Variants in ADCY1 observed in about 807,000 individuals in gnomAD.
ADCY1 encodes the protein adenylate cyclase type 1.
ADCY1 carries 28 observed loss-of-function variants against 105.4 expected under a neutral mutation model. That is an observed-to-expected ratio of 0.27 (90% CI 0.20 to 0.36). The LOEUF (loss-of-function observed/expected upper bound fraction) is 0.36. ADCY1 is among the 10% of genes least tolerant of loss of function. ADCY1 has a pLI of 1.00. For missense variants in ADCY1, 977 were observed against 1,434.2 expected, an observed-to-expected ratio of 0.68 and a Z score of 5.15; for synonymous variants, 655 against 623.8, an observed-to-expected ratio of 1.05 and a Z score of -0.75.
At chr7:45,673,738 A>G (rs1410580990) in intron 8 of ADCY1, among the ~76,000 whole-genome samples, 1 of 150,114 alleles carries the variant, frequency 6.7e-6, no homozygotes, top group Middle Eastern at 3.2e-3. Flanking sequence ...GATTTTCTCT[A>G]TTTTTTTTGT....
chr7:45,655,231 G>T (rs926200266), intron 5 of ADCY1, among the ~76,000 whole-genome samples: 1 of 152,152 alleles, frequency 6.6e-6, no homozygotes, highest in Non-Finnish European at 1.5e-5. Flanking sequence ...ATTTACTCAC[G>T]CCAAGGGGCC....
At chr7:45,664,920 T>C (rs1408780351) in intron 8 of ADCY1, among the ~76,000 whole-genome samples, 1 of 152,158 alleles carries the variant, frequency 6.6e-6, no homozygotes, top group Non-Finnish European at 1.5e-5. Context: ...CCTAATGCTC[T>C]CTCTTCCCTT....
In ADCY1 at chr7:45,621,875, A is replaced by G. The variant is rs190173959; in HGVS notation, c.909-757A>G. Among the ~76,000 whole-genome samples the G allele has an allele frequency of 6.2e-3, 949 of 152,352 alleles. 10 individuals carry two copies. Among genetic ancestry groups the G allele is most frequent in the African/African-American group, 0.022 (901 of 41,584 alleles). On this transcript the variant is annotated intron_variant, in intron 3 of 19. Transcript: ENST00000297323. ...TCTTAAAGCTACAACATTTTTACAG[A>G]CAAAAATATATAATTAATTTTTTTC...
intron 6 of ADCY1, 135 bp from the exon 7 acceptor site, chr7:45,659,907 G>A: frequency 9.0e-7 from 1 of 1,108,578 alleles, no homozygotes; most frequent in Non-Finnish European, 1.3e-6. Flanking sequence ...TTGCATGGGA[G>A]CATGAATACT....
chr7:45,660,855 G>A (rs184154223), intron 7 of ADCY1, among the ~76,000 whole-genome samples: 71 of 150,826 alleles, frequency 4.7e-4, no homozygotes, highest in African/African-American at 1.5e-3. Context: ...AGGGTTCAGG[G>A]CTCAGGTGAG....
chr7:45,646,458 G>A (rs757924413), intron 4 of ADCY1, among the ~76,000 whole-genome samples: 2 of 152,220 alleles, frequency 1.3e-5, no homozygotes, highest in Non-Finnish European at 2.9e-5. Context: ...CTTTCTGTGA[G>A]CACTGACTGT....
chr7:45,631,999 T>TG (rs1197571710), intron 4 of ADCY1, among the ~76,000 whole-genome samples: 1 of 152,228 alleles, frequency 6.6e-6, no homozygotes, highest in Admixed American at 6.5e-5. Flanking sequence ...TTTCGAGGTA[T>TG]GGGTCAAAGC....
chr7:45,722,837 T>A lies in ADCY1; in HGVS notation c.*8842T>A, dbSNP rs1359983935. 6.6e-6 allele frequency: 1 copy of A among 152,596 alleles called. No individual in the cohort carries two copies. The highest frequency in any genetic ancestry group is 1.5e-5 in the Non-Finnish European group (1 of 68,028). The allele number at this position is 152,596 out of a possible 1,614,324, so 9.5% of individuals were successfully genotyped here. A position where few individuals can be genotyped will look rare whatever the true frequency, so the allele number is the denominator to read the frequency against. ...TACATTCAGAATTACAATAACTCAC[T>A]CTCACTGGGTAACTTCTCATGATAG... On this transcript the variant is annotated 3_prime_UTR_variant, in exon 20 of 20. Transcript: ENST00000297323.
At chr7:45,648,404 A>C (rs568556560) in intron 4 of ADCY1, among the ~76,000 whole-genome samples, 1 of 152,374 alleles carries the variant, frequency 6.6e-6, no homozygotes, top group South Asian at 2.1e-4. Flanking sequence ...AGTGAAGCAG[A>C]CAGGAGGGAT....
intron 3 of ADCY1, among the ~76,000 whole-genome samples, chr7:45,614,252 CATAAA>C (rs754672952): frequency 9.2e-5 from 14 of 151,968 alleles, no homozygotes; most frequent in Admixed American, 3.9e-4. Context: ...ACTGTGACAA[CATAAA>C]ATAAATTATG....
intron 2 of ADCY1, among the ~76,000 whole-genome samples, chr7:45,599,767 C>T (rs7809506): frequency 0.012 from 1,770 of 152,116 alleles, 47 homozygotes; most frequent in African/African-American, 0.041. Context: ...GCTGGAATTA[C>T]GGGCATGTGC....
rs773826987 is a variant in ADCY1, at chr7:45,592,916, G to T, written c.789+8G>T. ...GATGAGAACGAGAAGCAGGTCAGTG[G>T]CTTGGGCCAGTCAGCCTAGAGGGGT... On this transcript the variant is annotated splice_region_variant and intron_variant, in intron 2 of 19. Transcript: ENST00000297323. 4 of 1,614,198 alleles carry T rather than the reference G, an allele frequency of 2.5e-6. No individual in the cohort carries two copies. The highest frequency in any genetic ancestry group is 3.4e-6 in the Non-Finnish European group (4 of 1,180,028).
intron 1 of ADCY1, among the ~76,000 whole-genome samples, chr7:45,578,170 A>G (rs1275131953): frequency 6.6e-6 from 1 of 152,140 alleles, no homozygotes; most frequent in Non-Finnish European, 1.5e-5. Flanking sequence ...GCTAGTGTGC[A>G]TGACTATTAG....
At chr7:45,704,028 G>A (rs1285452628) in intron 16 of ADCY1, among the ~76,000 whole-genome samples, 2 of 152,160 alleles carry the variant, frequency 1.3e-5, no homozygotes, top group Admixed American at 6.5e-5. Context: ...CAGTGGCCAG[G>A]GCTGGGCAGC....
rs1477560066 is a variant in ADCY1, at chr7:45,574,925, C to G, written c.382C>G (p.Leu128Val). The change falls in exon 1 of 20, where the codon CTC becomes GTC. Residue 128 changes from leucine (L) to valine (V), a missense_variant. This residue lies in a region of ADCY1 where 209 missense variants were observed against 222.5 expected (regional missense o/e 0.94). Transcript: ENST00000297323. This position sits in a 1 kb window ranked among gnomAD's most constrained non-coding sequence, Gnocchi z 7.0. Reference sequence around the variant, plus strand: ...GCAGCAGGTCGGCCAGCTGGCGCTGCTCTTCAGCCTCACCTTCGCGCTGCT... The same window carrying G: ...GCAGCAGGTCGGCCAGCTGGCGCTGGTCTTCAGCCTCACCTTCGCGCTGCT... ...QLQQVGQLAL[L>V]FSLTFALLCC... is the part of the protein sequence containing the mutation. The G allele has an allele frequency of 1.2e-6, 2 of 1,611,968 alleles. No homozygotes were observed.
chr7:45,656,940 A>AATAAAT (rs1344151232), intron 5 of ADCY1, among the ~76,000 whole-genome samples: 1 of 152,202 alleles, frequency 6.6e-6, no homozygotes, highest in Non-Finnish European at 1.5e-5. Context: ...TGTCAAAGTG[A>AATAAAT]ATTTAGCTGG....
At chr7:45,685,611 T>G (rs1784655926) in intron 12 of ADCY1, among the ~76,000 whole-genome samples, 3 of 121,710 alleles carry the variant, frequency 2.5e-5, no homozygotes, top group South Asian at 2.8e-4. Flanking sequence ...CAGAGCTGGG[T>G]GCATGATTAA....
At chr7:45,610,355 C>T (rs781378514) in intron 2 of ADCY1, 24 bp from the exon 3 acceptor site, 10 of 1,598,164 alleles carry the variant, frequency 6.3e-6, no homozygotes, top group South Asian at 4.4e-5. Context: ...TGCTGTCTAA[C>T]CCGGGCCCTT....
Position 45,714,442 on chromosome 7 carries a change from C to G in ADCY1, c.*447C>G, listed in dbSNP as rs566023482. ...CCCTCTGAGACAGCCCTGTCCGCCC[C>G]GCCCAGGTGGGACCTGACATACAGG... On this transcript the variant is annotated 3_prime_UTR_variant, in exon 20 of 20. Transcript: ENST00000297323. 5.9e-6 allele frequency: 1 copy of G among 168,076 alleles called. No homozygotes were observed. The highest frequency in any genetic ancestry group is 2.4e-5 in the African/African-American group (1 of 41,884). 10.4% of individuals were successfully genotyped at this position (168,076 alleles called of 1,614,324 possible).
Sources: allele counts gnomAD v4.1 joint callset (sites outside exome capture counted in the v4.1 genomes callset), GRCh38; gene constraint gnomAD v4.1.1; regional missense constraint gnomAD v4.1.1; non-coding constraint Gnocchi (gnomAD v3.1); transcripts MANE v1.5; gene names NCBI Gene and HGNC (gene_info 2026-07-23, HGNC 2026-07-21).